MIS18A: variants seen among roughly 807,000 people sequenced by gnomAD.
MIS18A encodes the protein MIS18 kinetochore protein A.
A neutral mutation model predicts 25.0 loss-of-function variants in MIS18A; 14 were observed. That is an observed-to-expected ratio of 0.56 (90% confidence interval 0.37 to 0.88). The LOEUF (loss-of-function observed/expected upper bound fraction) is 0.88. Ranked by LOEUF, MIS18A falls within the 40% of genes least tolerant of loss-of-function variation. MIS18A has a pLI of 0.00. For missense variants in MIS18A, 292 were observed against 290.8 expected (o/e 1.00, Z -0.03); for synonymous variants, 134 against 118.6 (o/e 1.13, Z -0.84).
At chr21:32,242,543 G>A in the MIS18A span, among the ~76,000 whole-genome samples, 2 of 152,160 alleles carry the variant, frequency 1.3e-5, no homozygotes, top group East Asian at 1.9e-4. Flanking sequence ...CAGCAAAAAT[G>A]TCTCTGCTCC....
the MIS18A span, among the ~76,000 whole-genome samples, chr21:32,160,314 A>G: frequency 2.7e-3 from 405 of 151,474 alleles, 7 homozygotes; most frequent in African/African-American, 9.7e-3. Context: ...ACACACACAC[A>G]CACACACACA....
In MIS18A at chr21:32,271,134, G is replaced by C. The variant is rs376450764; in HGVS notation, c.402-605C>G. On this transcript the variant is annotated intron_variant, in intron 2 of 4. Coordinates refer to ENST00000290130, the MANE Select transcript of MIS18A (RefSeq NM_018944.3). ...ACACTTGAATATACCCTCCCCCAAA[G>C]CCTATTCATGTCTCCTTAAAACCTG... Among the ~76,000 whole-genome samples, 8 of 152,240 alleles carry C rather than the reference G, an allele frequency of 5.3e-5. No homozygotes were observed. The South Asian group carries it at 1.4e-3, about 28-fold the overall frequency.
chr21:32,265,014 C>G (rs1301876436), downstream of MIS18A, among the ~76,000 whole-genome samples: 2 of 152,230 alleles, frequency 1.3e-5, no homozygotes, highest in Non-Finnish European at 2.9e-5. Flanking sequence ...GTTCTGGAAT[C>G]AGTTTCCCTA....
chr21:32,219,373 G>A, the MIS18A span, among the ~76,000 whole-genome samples: 1 of 152,146 alleles, frequency 6.6e-6, no homozygotes. Context: ...AAGTGCAAGG[G>A]ATTGGGGAAG....
chr21:32,156,052 A>G, the MIS18A span, among the ~76,000 whole-genome samples: 1 of 152,226 alleles, frequency 6.6e-6, no homozygotes, highest in Non-Finnish European at 1.5e-5. Flanking sequence ...GCTTACAAAA[A>G]CATACTTTAC....
chr21:32,253,123 G>A, the MIS18A span, among the ~76,000 whole-genome samples: 1 of 152,218 alleles, frequency 6.6e-6, no homozygotes, highest in East Asian at 1.9e-4. Context: ...GCGCTTTAGG[G>A]GGCCACTCCA....
the MIS18A span, among the ~76,000 whole-genome samples, chr21:32,170,624 G>C: frequency 6.6e-6 from 1 of 151,970 alleles, no homozygotes; most frequent in East Asian, 1.9e-4. Context: ...AACTAACATA[G>C]CCTCATAGAC....
chr21:32,201,694 T>A, the MIS18A span, among the ~76,000 whole-genome samples: 3 of 152,070 alleles, frequency 2.0e-5, no homozygotes, highest in African/African-American at 7.2e-5. Flanking sequence ...GCACCTGTAG[T>A]CCCGGCTACT....
At chr21:32,203,499 A>C in the MIS18A span, among the ~76,000 whole-genome samples, 1 of 143,392 alleles carries the variant, frequency 7.0e-6, no homozygotes, top group African/African-American at 2.6e-5. Context: ...GGGAGCTTAA[A>C]AAAAAAAAAA....
At chr21:32,198,444 T>C in the MIS18A span, among the ~76,000 whole-genome samples, 1 of 152,246 alleles carries the variant, frequency 6.6e-6, no homozygotes, top group African/African-American at 2.4e-5. Flanking sequence ...CAGCGACTCT[T>C]TTGGCAGAGA....
At chr21:32,165,382 C>A in the MIS18A span, among the ~76,000 whole-genome samples, 1 of 149,630 alleles carries the variant, frequency 6.7e-6, no homozygotes, top group Admixed American at 6.7e-5. Context: ...CCTCAAAACT[C>A]AATGTCATGA....
the MIS18A span, among the ~76,000 whole-genome samples, chr21:32,229,748 GGATCAATATGTAT>G: frequency 6.6e-6 from 1 of 152,082 alleles, no homozygotes; most frequent in Non-Finnish European, 1.5e-5. Context: ...GCCCATCAGC[GGATCAATATGTAT>G]TTAATCTTCT....
intron 2 of MIS18A, among the ~76,000 whole-genome samples, chr21:32,272,838 GGCTAGA>G (rs2031737994): frequency 6.6e-6 from 1 of 152,180 alleles, no homozygotes; most frequent in South Asian, 2.1e-4. Flanking sequence ...ATATCAAAAT[GGCTAGA>G]GCTAGAGCTA....
chr21:32,269,636 G>A (rs1338481718), intron 4 of MIS18A, 71 bp downstream of exon 4: 4 of 873,412 alleles, frequency 4.6e-6, no homozygotes, highest in African/African-American at 3.4e-5. Context: ...GAGAATTATC[G>A]TTTGTGGGGG....
the MIS18A span, among the ~76,000 whole-genome samples, chr21:32,196,134 G>C: frequency 6.6e-6 from 1 of 152,202 alleles, no homozygotes. Flanking sequence ...GTCTGTGAGA[G>C]TGTTCTGGAG....
At chr21:32,265,503 C>A (rs1410870009), downstream of MIS18A, among the ~76,000 whole-genome samples, 1 of 152,204 alleles carries the variant, frequency 6.6e-6, no homozygotes, top group East Asian at 1.9e-4. Context: ...TGTACTGAGT[C>A]CCCCAGCAGT....
the MIS18A span, among the ~76,000 whole-genome samples, chr21:32,253,161 C>T: frequency 2.7e-4 from 41 of 152,060 alleles, no homozygotes; most frequent in Non-Finnish European, 4.6e-4. Context: ...GGTGCCCCCC[C>T]GCACGACCCC....
chr21:32,197,606 T>A, the MIS18A span, among the ~76,000 whole-genome samples: 2 of 152,214 alleles, frequency 1.3e-5, no homozygotes, highest in Middle Eastern at 6.3e-3. Flanking sequence ...CAAATCAAAA[T>A]TAGAACTATT....
At chr21:32,182,291 A>G in the MIS18A span, among the ~76,000 whole-genome samples, 1 of 152,222 alleles carries the variant, frequency 6.6e-6, no homozygotes, top group Non-Finnish European at 1.5e-5. Flanking sequence ...TAGCAGAGGC[A>G]CCATGCACTT....
Sources: gnomAD v4.1 joint callset for allele counts (sites outside exome capture counted in the v4.1 genomes callset) on GRCh38, gnomAD v4.1.1 for gene constraint, MANE v1.5 for transcripts, NCBI Gene and HGNC (gene_info 2026-07-23, HGNC 2026-07-21) for gene names.